Variants in SCAPER observed in about 807,000 individuals in gnomAD.
The protein encoded by SCAPER is S phase cyclin A-associated protein in the endoplasmic reticulum.
A neutral mutation model predicts 182.2 loss-of-function variants in SCAPER; 98 were observed. That is an observed-to-expected ratio of 0.54 (90% CI 0.46 to 0.64). SCAPER has a LOEUF of 0.64. Among genes scored for constraint, SCAPER ranks in the 30% least tolerant of loss-of-function variants. The probability of loss-of-function intolerance (pLI) is 0.00; values close to 1 mark genes in which losing one functional copy is unlikely to be tolerated. For synonymous variants in SCAPER, 605 were observed against 564.6 expected (o/e 1.07, Z -1.01); for missense variants, 1,432 against 1,690.0 (o/e 0.85, Z 2.68).
intron 23 of SCAPER, among the ~76,000 whole-genome samples, chr15:76,517,526 A>G (rs1404416216): frequency 6.6e-6 from 1 of 151,414 alleles, no homozygotes; most frequent in Non-Finnish European, 1.5e-5. Context: ...ATTTTTTTGT[A>G]TTTTTAGTAG....
chr15:76,470,617 A>C (rs2050074304), intron 25 of SCAPER, among the ~76,000 whole-genome samples: 1 of 152,180 alleles, frequency 6.6e-6, no homozygotes, highest in Non-Finnish European at 1.5e-5. Context: ...ACTCCTGGCG[A>C]CTGCAGTTGA....
chr15:76,391,559 G>A (rs1164791928), intron 27 of SCAPER, among the ~76,000 whole-genome samples: 2 of 152,200 alleles, frequency 1.3e-5, no homozygotes, highest in African/African-American at 4.8e-5. Flanking sequence ...GGCCTTGGAT[G>A]CCTATTTCCT....
intron 31 of SCAPER, chr15:76,350,637 G>A (rs2040481858): frequency 6.6e-6 from 1 of 152,010 alleles, no homozygotes; most frequent in Non-Finnish European, 1.5e-5. Flanking sequence ...AAGTAAAAAT[G>A]TGGTAAAAAT....
At chr15:76,834,504 C>G (rs1456448776) in intron 5 of SCAPER, among the ~76,000 whole-genome samples, 1 of 152,012 alleles carries the variant, frequency 6.6e-6, no homozygotes, top group Non-Finnish European at 1.5e-5. Context: ...TAACCAAACT[C>G]CGAGCTGAAC....
chr15:76,760,896 T>A (rs1230998309), intron 14 of SCAPER, among the ~76,000 whole-genome samples: 1 of 152,260 alleles, frequency 6.6e-6, no homozygotes, highest in Non-Finnish European at 1.5e-5. Flanking sequence ...AAGTGTTCCC[T>A]CTTCTTTTAT....
chr15:76,528,396 T>C (rs555742911), intron 23 of SCAPER, among the ~76,000 whole-genome samples: 35 of 152,206 alleles, frequency 2.3e-4, no homozygotes, highest in Non-Finnish European at 4.6e-4. Context: ...GATAACTTTC[T>C]ACCAGGTATC....
intron 21 of SCAPER, among the ~76,000 whole-genome samples, chr15:76,626,868 T>C (rs1355777079): frequency 2.6e-5 from 4 of 152,202 alleles, no homozygotes; most frequent in African/African-American, 7.2e-5. Flanking sequence ...AATGGCATTA[T>C]TACCAGAGAA....
At chr15:76,741,724 G>T (rs966296285) in intron 15 of SCAPER, among the ~76,000 whole-genome samples, 1 of 152,044 alleles carries the variant, frequency 6.6e-6, no homozygotes, top group African/African-American at 2.4e-5. Context: ...TGAAGTAAAT[G>T]AATACAAGTT....
At chr15:76,600,610 T>C (rs867405902) in intron 22 of SCAPER, among the ~76,000 whole-genome samples, 1 of 117,708 alleles carries the variant, frequency 8.5e-6, no homozygotes, top group Non-Finnish European at 2.1e-5. Flanking sequence ...TCACCATGCC[T>C]GGCTAATTTT....
intron 22 of SCAPER, among the ~76,000 whole-genome samples, chr15:76,612,675 C>T (rs745804917): frequency 4.7e-4 from 71 of 152,146 alleles, no homozygotes; most frequent in Middle Eastern, 3.4e-3. Context: ...TTCCATACTG[C>T]CACAAAAAGA....
intron 20 of SCAPER, among the ~76,000 whole-genome samples, chr15:76,687,528 G>C (rs1487516599): frequency 6.6e-6 from 1 of 152,086 alleles, no homozygotes; most frequent in Non-Finnish European, 1.5e-5. Context: ...CGCCATGGTG[G>C]CTTGCTGCCC....
At chr15:76,523,472 G>C (rs906904109) in intron 23 of SCAPER, among the ~76,000 whole-genome samples, 2 of 152,032 alleles carry the variant, frequency 1.3e-5, no homozygotes, top group South Asian at 2.1e-4. Context: ...AAGAGATTCA[G>C]AATCTATTTG....
intron 24 of SCAPER, among the ~76,000 whole-genome samples, chr15:76,491,684 T>G (rs2052326431): frequency 6.6e-6 from 1 of 152,146 alleles, no homozygotes; most frequent in African/African-American, 2.4e-5. Flanking sequence ...CAGGCTGGAG[T>G]GCAGTGGTGT....
At chr15:76,571,748 C>G (rs926490035) in intron 23 of SCAPER, among the ~76,000 whole-genome samples, 1 of 152,116 alleles carries the variant, frequency 6.6e-6, no homozygotes, top group Non-Finnish European at 1.5e-5. Flanking sequence ...TTCAAATATC[C>G]TTCACTGGGT....
chr15:76,694,338 C>A (rs552828796), intron 20 of SCAPER, among the ~76,000 whole-genome samples: 1 of 152,126 alleles, frequency 6.6e-6, no homozygotes, highest in South Asian at 2.1e-4. Flanking sequence ...AAATATTCTA[C>A]TTTTTGATGT....
chr15:76,479,569 C>G (rs2050935004), intron 24 of SCAPER, among the ~76,000 whole-genome samples: 1 of 152,040 alleles, frequency 6.6e-6, no homozygotes, highest in Non-Finnish European at 1.5e-5. Context: ...ATAGGAAAAG[C>G]ATCATAAAAT....
chr15:76,826,570 A>T (rs76073635), intron 5 of SCAPER, among the ~76,000 whole-genome samples: 3 of 4,610 alleles, frequency 6.5e-4, no homozygotes, highest in African/African-American at 1.3e-3. Context: ...AATAATAATT[A>T]AAAAAAAAAA....
intron 26 of SCAPER, among the ~76,000 whole-genome samples, chr15:76,432,164 T>G (rs1249250575): frequency 6.6e-6 from 1 of 152,144 alleles, no homozygotes; most frequent in African/African-American, 2.4e-5. Context: ...CAAGGGAGAA[T>G]GCAGGGACAG....
chr15:76,381,279 T>C lies in SCAPER; in HGVS notation c.3705+99A>G, dbSNP rs142850190. ...TTATAATTCCATTTATTGTAGTTTATTCCTTATGCCCCAATTCAGGAGAAG... is the reference window on the plus strand; with the variant it reads ...TTATAATTCCATTTATTGTAGTTTACTCCTTATGCCCCAATTCAGGAGAAG... On this transcript the variant is annotated intron_variant, in intron 28 of 31. Transcript: ENST00000563290. 2.4e-4 allele frequency: 208 copies of C among 873,536 alleles called. No homozygotes were observed. In the African/African-American group the frequency reaches 3.1e-3, roughly 13 times the overall value. 54.1% of individuals were successfully genotyped at this position (873,536 alleles called of 1,614,324 possible).
Sources: gnomAD v4.1 joint callset for allele counts (sites outside exome capture counted in the v4.1 genomes callset) on GRCh38, gnomAD v4.1.1 for gene constraint, MANE v1.5 for transcripts, NCBI Gene and HGNC (gene_info 2026-07-23, HGNC 2026-07-21) for gene names.